Variants in RBP5 observed in about 807,000 individuals in gnomAD.
RBP5 encodes the protein retinol-binding protein 5.
Under a neutral mutation model 17.8 loss-of-function variants are expected in RBP5, and 12 were observed. The observed-to-expected ratio is 0.67, with a 90% CI of 0.43 to 1.09. RBP5 has a LOEUF of 1.09. RBP5 is among the 50% of genes least tolerant of loss of function. The pLI, the probability that RBP5 is intolerant of heterozygous loss-of-function variation, is 0.00. For synonymous variants in RBP5, 64 were observed against 68.1 expected, an observed-to-expected ratio of 0.94 and a Z score of 0.30; for missense variants, 172 against 169.4, an observed-to-expected ratio of 1.02 and a Z score of -0.09.
chr12:7,126,510 G>GGTGTGTGT (rs780320410), intron 2 of RBP5, among the ~76,000 whole-genome samples: 28 of 131,108 alleles, frequency 2.1e-4, no homozygotes, highest in Admixed American at 6.1e-4. Context: ...TGGTGGTGGT[G>GGTGTGTGT]GTGTGTGTGT....
intron 2 of RBP5, chr12:7,127,621 A>G (rs1254451093): frequency 1.4e-6 from 1 of 697,358 alleles, no homozygotes; most frequent in Admixed American, 2.0e-5. Context: ...ACCCATGAAT[A>G]TGGAGGGCCA....
chr12:7,123,175 A>C (rs1195004888), downstream of RBP5, among the ~76,000 whole-genome samples: 4 of 152,040 alleles, frequency 2.6e-5, no homozygotes, highest in Admixed American at 2.6e-4. Context: ...GCTGGCCTTG[A>C]CCCTGAGCCA....
Position 7,128,847 on chromosome 12 carries a change from G to T in RBP5, c.-72C>A. 1 of 1,237,048 alleles carries T rather than the reference G, an allele frequency of 8.1e-7. No homozygotes were observed. The highest frequency in any genetic ancestry group is 1.2e-6 in the Non-Finnish European group (1 of 859,670). The allele number at this position is 1,237,048 out of a possible 1,614,324, so 76.6% of individuals were successfully genotyped here. A position where few individuals can be genotyped will look rare whatever the true frequency, so the allele number is the denominator to read the frequency against. On this transcript the variant is annotated 5_prime_UTR_variant, in exon 1 of 4. Transcript: ENST00000266560. The surrounding 1 kb of genome is among the most constrained non-coding windows in gnomAD (Gnocchi z 5.3). ...GGAGGGGGTGTTGTCTGGCAGGTGA[G>T]GCTGAGAGATTCCAGCCAGCTCCAC...
intron 2 of RBP5, among the ~76,000 whole-genome samples, chr12:7,126,507 GGTGGTGT>G (rs1395102852): frequency 5.7e-4 from 17 of 29,812 alleles, no homozygotes; most frequent in African/African-American, 1.0e-3. Context: ...TGGTGGTGGT[GGTGGTGT>G]GTGTGTGTGT....
At position 7,128,722 on chromosome 12, in the gene RBP5, C is replaced by T. The variant is rs1458576132; in HGVS notation, c.54G>A (p.Glu18=). Residue 18 remains glutamate (E), a synonymous_variant, in exon 1 of 4, where the codon GAG becomes GAA. Transcript: ENST00000266560. The surrounding 1 kb of genome is among the most constrained non-coding windows in gnomAD (Gnocchi z 5.3). ...YYRFVSQKNM[E]DYLQALNISL... ...CATTACTTAGGGCTTGCAGGTAGTC[C>T]TCCATGTTCTTCTGCGAGACAAAGC... 3.1e-6 allele frequency: 5 copies of T among 1,603,376 alleles called. No homozygotes were observed. The Admixed American group carries it at 8.6e-5, about 28-fold the overall frequency.
downstream of RBP5, chr12:7,120,652 T>C (rs1412220096): frequency 6.5e-6 from 1 of 154,952 alleles, no homozygotes; most frequent in African/African-American, 2.4e-5. Context: ...CCTGAAAGCA[T>C]GGGTACTCTT....
Position 7,123,965 on chromosome 12 carries a change from T to C in RBP5, c.*156A>G, listed in dbSNP as rs771733235. The C allele has an allele frequency of 3.4e-4, 228 of 679,960 alleles. 5 individuals are homozygous for C. In the South Asian group the frequency reaches 3.8e-3, roughly 11 times the overall value. The allele number at this position is 679,960 out of a possible 1,614,324, so 42.1% of individuals were successfully genotyped here. Reference sequence around the variant, plus strand: ...GGACTTTGGCCTGGGGGCTGCAAGTTACAGATTAACACGGGGAGGGGTGAG... The same window carrying C: ...GGACTTTGGCCTGGGGGCTGCAAGTCACAGATTAACACGGGGAGGGGTGAG... On this transcript the variant is annotated 3_prime_UTR_variant, in exon 4 of 4. Transcript: ENST00000266560.
intron 2 of RBP5, among the ~76,000 whole-genome samples, chr12:7,127,901 G>A (rs749013588): frequency 1.7e-4 from 26 of 152,400 alleles, no homozygotes; most frequent in African/African-American, 6.0e-4. Context: ...ATGCAGGAGA[G>A]TGAAGTTATT....
In RBP5 at chr12:7,128,152, TG is replaced by T; in HGVS notation, c.252+87del. 1 of 1,228,552 alleles carries T rather than the reference TG, an allele frequency of 8.1e-7. No homozygotes were observed. The highest frequency in any genetic ancestry group is 1.1e-6 in the Non-Finnish European group (1 of 878,344). The allele number at this position is 1,228,552 out of a possible 1,614,324, so 76.1% of individuals were successfully genotyped here. A position where few individuals can be genotyped will look rare whatever the true frequency, so the allele number is the denominator to read the frequency against. ...TTCCCCTCCTCCCCGCTGCTCTGGC[TG>T]GGGAAGGTCACTTTGTTTTGCCCCA... On this transcript the variant is annotated intron_variant, in intron 2 of 3. Transcript: ENST00000266560. This position sits in a 1 kb window ranked among gnomAD's most constrained non-coding sequence, Gnocchi z 5.3.
Position 7,124,973 on chromosome 12 carries a change from C to T in RBP5, c.253-243G>A, listed in dbSNP as rs1939137580. Reference sequence around the variant, plus strand: ...CCAGGCTGGAGTGCAGTGGCAGGATCTCGGCTCACTGCAACCTCTGCCTCC... The same window carrying T: ...CCAGGCTGGAGTGCAGTGGCAGGATTTCGGCTCACTGCAACCTCTGCCTCC... On this transcript the variant is annotated intron_variant, in intron 2 of 3. Coordinates refer to ENST00000266560, the MANE Select transcript of RBP5 (RefSeq NM_031491.4). The surrounding 1 kb of genome is among the most constrained non-coding windows in gnomAD (Gnocchi z 5.3). Among the ~76,000 whole-genome samples, 1 of 152,194 alleles carries T rather than the reference C, an allele frequency of 6.6e-6. No homozygotes were observed. Among genetic ancestry groups the T allele is most frequent in the Admixed American group, 6.5e-5 (1 of 15,282 alleles).
At chr12:7,127,322 G>T (rs913685679) in intron 2 of RBP5, among the ~76,000 whole-genome samples, 3 of 151,856 alleles carry the variant, frequency 2.0e-5, no homozygotes, top group Non-Finnish European at 4.4e-5. Flanking sequence ...TAGAGATGAG[G>T]TTTCACCATG....
chr12:7,127,241 G>T lies in RBP5; in HGVS notation c.252+999C>A, dbSNP rs1352608559. Among the ~76,000 whole-genome samples the T allele has an allele frequency of 2.6e-5, 4 of 152,192 alleles. No individual in the cohort carries two copies. In the South Asian group the frequency reaches 8.3e-4, roughly 32 times the overall value. Reference sequence around the variant, plus strand: ...ACTCTTGACCTCAGGTGATCCGCCCGCCTTGGCCTCCCAAAGTACTGGGAT... The same window carrying T: ...ACTCTTGACCTCAGGTGATCCGCCCTCCTTGGCCTCCCAAAGTACTGGGAT... On this transcript the variant is annotated intron_variant, in intron 2 of 3. Coordinates refer to ENST00000266560, the MANE Select transcript of RBP5 (RefSeq NM_031491.4).
At chr12:7,127,807 G>C in intron 2 of RBP5, 1 of 678,908 alleles carries the variant, frequency 1.5e-6, no homozygotes, top group Non-Finnish European at 2.7e-6. Context: ...AAACTCTGCG[G>C]AGAAAACTCC....
Position 7,124,292 on chromosome 12 carries a change from G to T in RBP5, c.355-118C>A. On this transcript the variant is annotated intron_variant, in intron 3 of 3. Coordinates refer to ENST00000266560, the MANE Select transcript of RBP5 (RefSeq NM_031491.4). The surrounding 1 kb of genome is among the most constrained non-coding windows in gnomAD (Gnocchi z 5.3). ...TCCGGATACAGCAGCTTGAGTGTTT[G>T]ATGTATGGGCAATTGTATCATTATT... 1.2e-6 allele frequency: 1 copy of T among 852,474 alleles called. No individual in the cohort carries two copies. Among genetic ancestry groups the T allele is most frequent in the African/African-American group, 1.7e-5 (1 of 59,658 alleles). 52.8% of individuals were successfully genotyped at this position (852,474 alleles called of 1,614,324 possible).
In RBP5 at chr12:7,124,197, G is replaced by T; in HGVS notation, c.355-23C>A. 6.2e-7 allele frequency: 1 copy of T among 1,613,338 alleles called. No homozygotes were observed. The highest frequency in any genetic ancestry group is 8.5e-7 in the Non-Finnish European group (1 of 1,179,440). ...TTCCTGGGGAGAGAGGGGAAGTGAG[G>T]GGGAGAGAGAAAGAGGGCGTTTGCC... is the stretch of plus-strand genomic sequence containing the variant. On this transcript the variant is annotated intron_variant, in intron 3 of 3. Transcript: ENST00000266560. The surrounding 1 kb of genome is among the most constrained non-coding windows in gnomAD (Gnocchi z 5.3).
exon 4 of RBP5, chr12:7,115,977 C>A (rs944366192): frequency 2.0e-5 from 3 of 152,208 alleles, no homozygotes; most frequent in Admixed American, 6.5e-5. Flanking sequence ...TTAGAAACTG[C>A]CCCCATGATC....
In RBP5 at chr12:7,124,871, T is replaced by C. The variant is rs1287501135; in HGVS notation, c.253-141A>G. The C allele has an allele frequency of 3.4e-6, 2 of 580,172 alleles. No individual in the cohort carries two copies. The highest frequency in any genetic ancestry group is 2.9e-5 in the Admixed American group (1 of 34,668). The allele number at this position is 580,172 out of a possible 1,614,324, so 35.9% of individuals were successfully genotyped here. Reference sequence around the variant, plus strand: ...CCCCTCCACTGAGCGAGGGAGCTGCTCTGATTCAGCAGGACTCCCTTTCCA... The same window carrying C: ...CCCCTCCACTGAGCGAGGGAGCTGCCCTGATTCAGCAGGACTCCCTTTCCA... On this transcript the variant is annotated intron_variant, in intron 2 of 3. Transcript: ENST00000266560. This position sits in a 1 kb window ranked among gnomAD's most constrained non-coding sequence, Gnocchi z 5.3.
At chr12:7,126,091 C>T (rs1339770486) in intron 2 of RBP5, among the ~76,000 whole-genome samples, 1 of 141,034 alleles carries the variant, frequency 7.1e-6, no homozygotes, top group Non-Finnish European at 1.5e-5. Flanking sequence ...AACACAAAAA[C>T]ACAAAAAAGC....
intron 2 of RBP5, among the ~76,000 whole-genome samples, chr12:7,127,155 C>A (rs1292705163): frequency 6.6e-6 from 1 of 151,966 alleles, no homozygotes; most frequent in Non-Finnish European, 1.5e-5. Flanking sequence ...ACCATGCCTG[C>A]CTAATTTTTT....
Sources: allele counts gnomAD v4.1 joint callset (sites outside exome capture counted in the v4.1 genomes callset), GRCh38; gene constraint gnomAD v4.1.1; non-coding constraint Gnocchi (gnomAD v3.1); transcripts MANE v1.5; gene names NCBI Gene and HGNC (gene_info 2026-07-23, HGNC 2026-07-21).